DNAH11: variants seen among roughly 807,000 people sequenced by gnomAD.
The protein encoded by DNAH11 is axonemal beta dynein heavy chain 11.
A neutral mutation model predicts 526.0 loss-of-function variants in DNAH11; 442 were observed. The observed-to-expected ratio is 0.84, with a 90% CI of 0.78 to 0.91. The LOEUF (loss-of-function observed/expected upper bound fraction) is 0.91, where lower values mean the gene tolerates loss of function less well. Among genes scored for constraint, DNAH11 ranks in the 40% least tolerant of loss-of-function variants. The pLI, the probability that DNAH11 is intolerant of heterozygous loss-of-function variation, is 0.00. For missense variants in DNAH11, 6,989 were observed against 5,448.7 expected (o/e 1.28, Z -8.90); for synonymous variants, 2,461 against 1,935.9 (o/e 1.27, Z -7.12).
At chr7:21,881,423 A>G (rs1783921447) in intron 75 of DNAH11, among the ~76,000 whole-genome samples, 1 of 152,316 alleles carries the variant, frequency 6.6e-6, no homozygotes, top group Non-Finnish European at 1.5e-5. Flanking sequence ...TTTGAAGTTA[A>G]AGGTAGATGA....
At position 21,854,337 on chromosome 7, in the gene DNAH11, A is replaced by C. The variant is rs1017383663; in HGVS notation, c.11084A>C (p.Glu3695Ala). ...EHKVIEAKEN[E>A]RKINEARECY... Reference sequence around the variant, plus strand: ...TAGGTGATTGAAGCCAAAGAAAATGAAAGAAAAATCAACGAGGCCCGAGAA... The same window carrying C: ...TAGGTGATTGAAGCCAAAGAAAATGCAAGAAAAATCAACGAGGCCCGAGAA... The change falls in exon 68 of 82, where the codon GAA (glutamate) becomes GCA (alanine). Residue 3695 changes from glutamate to alanine, a missense_variant. Transcript: ENST00000409508. 1 of 1,613,838 alleles carries C rather than the reference A, an allele frequency of 6.2e-7. No individual in the cohort carries two copies. Among genetic ancestry groups the C allele is most frequent in the Non-Finnish European group, 8.5e-7 (1 of 1,179,832 alleles).
chr7:21,785,064 T>G (rs1859103), intron 58 of DNAH11, among the ~76,000 whole-genome samples: 24,487 of 152,094 alleles, frequency 0.16, 2,125 homozygotes, highest in African/African-American at 0.22. Context: ...TAAGCTGTGT[T>G]CATCACTAGC....
At chr7:21,584,825 CAG>C (rs777317207) in intron 9 of DNAH11, among the ~76,000 whole-genome samples, 6 of 152,102 alleles carry the variant, frequency 3.9e-5, no homozygotes, top group Admixed American at 1.3e-4. Context: ...CTTCACTTAA[CAG>C]AGTCATAAAA....
At chr7:21,672,658 T>A (rs532779480) in intron 30 of DNAH11, among the ~76,000 whole-genome samples, 4 of 152,332 alleles carry the variant, frequency 2.6e-5, no homozygotes, top group African/African-American at 9.6e-5. Context: ...TGTCCCCATA[T>A]TGGGAGATAT....
chr7:21,701,452 G>C (rs926120926), intron 36 of DNAH11, among the ~76,000 whole-genome samples: 2 of 152,036 alleles, frequency 1.3e-5, no homozygotes, highest in African/African-American at 4.8e-5. Flanking sequence ...ATCACGCCCA[G>C]CTAATTTTTG....
rs112319073 is a variant in DNAH11 at position 21,866,431 on chromosome 7, G to A, written c.11497-39G>A. On this transcript the variant is annotated intron_variant, in intron 70 of 81. Coordinates refer to ENST00000409508, the MANE Select transcript of DNAH11 (RefSeq NM_001277115.2). Reference sequence around the variant, plus strand: ...TCTTCTTCTCAAACTGTAAAGTATCGTTCACACCATTCCTACTTGTTTCCC... The same window carrying A: ...TCTTCTTCTCAAACTGTAAAGTATCATTCACACCATTCCTACTTGTTTCCC... 18,929 of 1,567,222 alleles carry A rather than the reference G, an allele frequency of 0.012. 171 individuals carry two copies. The highest frequency in any genetic ancestry group is 0.038 in the African/African-American group (2,758 of 73,106).
At chr7:21,677,288 T>G (rs1782934441) in intron 30 of DNAH11, among the ~76,000 whole-genome samples, 2 of 150,702 alleles carry the variant, frequency 1.3e-5, no homozygotes, top group Non-Finnish European at 3.0e-5. Context: ...TCAAACAACA[T>G]GAGCTTGCTT....
chr7:21,619,089 C>T lies in DNAH11; in HGVS notation c.4255-11C>T. The T allele has an allele frequency of 6.2e-7, 1 of 1,612,134 alleles. No individual in the cohort carries two copies. Among genetic ancestry groups the T allele is most frequent in the Non-Finnish European group, 8.5e-7 (1 of 1,179,126 alleles). On this transcript the variant is annotated splice_polypyrimidine_tract_variant and intron_variant, in intron 23 of 81. Transcript: ENST00000409508. ...TGGAATATAAAGTCTAACTTTTTTT[C>T]CCCCAATCAGGTCAAGTTTTTAATA...
At chr7:21,775,013 C>G (rs1453750768) in intron 56 of DNAH11, among the ~76,000 whole-genome samples, 3 of 152,132 alleles carry the variant, frequency 2.0e-5, no homozygotes, top group Non-Finnish European at 4.4e-5. Flanking sequence ...TGAACTGAGA[C>G]CCGAAGGAGG....
In DNAH11 at chr7:21,545,274, TAAAAAAAA is replaced by T. The variant is rs10634177; in HGVS notation, c.495+140_495+147del. 1.8e-3 allele frequency: 242 copies of T among 131,754 alleles called. 1 individual carries two copies. In the South Asian group the frequency reaches 0.02, roughly 11 times the overall value. The allele number at this position is 131,754 out of a possible 1,614,324, so 8.2% of individuals were successfully genotyped here. ...GGGAAGGGAAGGGGATGGGGGTGGT[TAAAAAAAA>T]AAAAAAAAAAAAAAGCTTGTAGAAG... On this transcript the variant is annotated intron_variant, in intron 2 of 81. Transcript: ENST00000409508.
intron 63 of DNAH11, among the ~76,000 whole-genome samples, chr7:21,815,288 A>T (rs1351599531): frequency 1.3e-5 from 2 of 152,200 alleles, no homozygotes; most frequent in African/African-American, 4.8e-5. Flanking sequence ...CAGATAGAAG[A>T]TTGCTTATTC....
chr7:21,846,866 G>A (rs762072912), intron 66 of DNAH11, among the ~76,000 whole-genome samples: 3 of 152,014 alleles, frequency 2.0e-5, no homozygotes, highest in Non-Finnish European at 2.9e-5. Flanking sequence ...ATTAATTATT[G>A]AGTTAATTTA....
Position 21,855,244 on chromosome 7 carries a change from A to C in DNAH11, c.11202+789A>C, listed in dbSNP as rs571898431. The stretch of plus-strand genomic sequence containing the variant: ...GATGGGGTTTCACCGTGTTAGCCAG[A>C]ATGATCTCTATCTCCTGACCTCGTG... On this transcript the variant is annotated intron_variant, in intron 68 of 81. Transcript: ENST00000409508. 1.7e-4 allele frequency among the ~76,000 whole-genome samples: 26 copies of C among 152,024 alleles called. 2 individuals are homozygous for C. Among genetic ancestry groups the C allele is most frequent in the South Asian group, 1.7e-3 (8 of 4,812 alleles).
At chr7:21,667,369 G>T (rs895487836) in intron 30 of DNAH11, among the ~76,000 whole-genome samples, 2 of 152,112 alleles carry the variant, frequency 1.3e-5, no homozygotes, top group Non-Finnish European at 2.9e-5. Flanking sequence ...GGGCCATATA[G>T]TCTCTTCTGC....
At position 21,869,007 on chromosome 7, in the gene DNAH11, C is replaced by T. The variant is rs1783393750; in HGVS notation, c.11967+16C>T. 1 of 1,613,474 alleles carries T rather than the reference C, an allele frequency of 6.2e-7. No individual in the cohort carries two copies. The highest frequency in any genetic ancestry group is 1.7e-5 in the Admixed American group (1 of 59,974). On this transcript the variant is annotated intron_variant, in intron 73 of 81. Transcript: ENST00000409508. ...CATCCTCCAAGTGAGTATTAAGTTT[C>T]AGGGAAGACACTGGGCATAAACACA...
At chr7:21,632,743 T>C (rs1786674667) in intron 25 of DNAH11, among the ~76,000 whole-genome samples, 1 of 152,040 alleles carries the variant, frequency 6.6e-6, no homozygotes, top group Non-Finnish European at 1.5e-5. Flanking sequence ...CTCTAGGGAG[T>C]TCCAAACTTT....
At chr7:21,617,331 C>T (rs144313857) in intron 22 of DNAH11, among the ~76,000 whole-genome samples, 2 of 152,168 alleles carry the variant, frequency 1.3e-5, no homozygotes, top group East Asian at 1.9e-4. Flanking sequence ...CTTCATTGCA[C>T]GTGTCCTGTG....
At chr7:21,628,555 T>G (rs1308871267) in intron 25 of DNAH11, among the ~76,000 whole-genome samples, 1 of 152,146 alleles carries the variant, frequency 6.6e-6, no homozygotes, top group Non-Finnish European at 1.5e-5. Context: ...AATCATATGG[T>G]TTTTCTTCTT....
intron 32 of DNAH11, among the ~76,000 whole-genome samples, chr7:21,685,607 C>G (rs1251469538): frequency 6.6e-6 from 1 of 152,194 alleles, no homozygotes; most frequent in Admixed American, 6.5e-5. Context: ...GAGATAGTGT[C>G]TCCTTCTTCC....
Sources: gnomAD v4.1 joint callset for allele counts (sites outside exome capture counted in the v4.1 genomes callset) on GRCh38, gnomAD v4.1.1 for gene constraint, MANE v1.5 for transcripts, NCBI Gene and HGNC (gene_info 2026-07-23, HGNC 2026-07-21) for gene names.